WDR27: variants seen among roughly 807,000 people sequenced by gnomAD.
WDR27 encodes WD repeat domain 27.
A neutral mutation model predicts 114.4 loss-of-function variants in WDR27; 100 were observed. The observed-to-expected ratio is 0.87, with a 90% confidence interval of 0.74 to 1.03. The LOEUF (loss-of-function observed/expected upper bound fraction) is 1.03. Ranked by LOEUF, WDR27 falls within the 50% of genes least tolerant of loss-of-function variation. The probability of loss-of-function intolerance (pLI) is 0.00; values close to 1 mark genes in which losing one functional copy is unlikely to be tolerated. For synonymous variants in WDR27, 449 were observed against 423.1 expected (o/e 1.06, Z -0.75); for missense variants, 1,129 against 1,092.9 (o/e 1.03, Z -0.47).
rs117385168 is a variant in WDR27 at position 169,504,771 on chromosome 6, C to G, written c.2646-47137G>C. On this transcript the variant is annotated intron_variant, in intron 25 of 25. Transcript: ENST00000448612. ...AGCTGGGACAACAGGCATGCACCAC[C>G]ACATGTGGCTAATTTTTAGGTCTTG... Among the ~76,000 whole-genome samples the G allele has an allele frequency of 1.4e-3, 206 of 152,148 alleles. 4 individuals carry two copies. The East Asian group carries it at 0.033, about 24-fold the overall frequency.
chr6:169,529,299 G>T (rs9478046), intron 25 of WDR27, among the ~76,000 whole-genome samples: 13,907 of 89,072 alleles, frequency 0.16, 1,008 homozygotes, highest in African/African-American at 0.23. Context: ...CACGTTAACG[G>T]TGGTGACCTC....
intron 25 of WDR27, among the ~76,000 whole-genome samples, chr6:169,565,694 G>T (rs994347667): frequency 6.6e-6 from 1 of 152,170 alleles, no homozygotes; most frequent in African/African-American, 2.4e-5. Context: ...CTGTTTTTAG[G>T]GATAGGGTCT....
chr6:169,688,703 C>A (rs1442223372), intron 2 of WDR27, 114 bp downstream of exon 2: 2 of 575,202 alleles, frequency 3.5e-6, no homozygotes, highest in African/African-American at 3.8e-5. Flanking sequence ...CAATATTTTT[C>A]TCCTATAGTT....
chr6:169,662,894 T>C (rs1826700843), intron 8 of WDR27, among the ~76,000 whole-genome samples: 1 of 142,220 alleles, frequency 7.0e-6, no homozygotes, highest in Non-Finnish European at 1.5e-5. Flanking sequence ...AGGAAAGCAC[T>C]AAGGTAACAC....
intron 25 of WDR27, among the ~76,000 whole-genome samples, chr6:169,466,875 A>G (rs984646145): frequency 6.6e-6 from 1 of 152,214 alleles, no homozygotes; most frequent in African/African-American, 2.4e-5. Flanking sequence ...CAAAAGTTCA[A>G]GTCCAAAGTC....
intron 17 of WDR27, among the ~76,000 whole-genome samples, chr6:169,639,463 G>A (rs1321087127): frequency 6.7e-6 from 1 of 149,462 alleles, no homozygotes; most frequent in African/African-American, 2.5e-5. Context: ...TGTCAACGTT[G>A]AAGAAAAAAG....
chr6:169,640,655 C>A (rs1818916470), intron 17 of WDR27, among the ~76,000 whole-genome samples: 2 of 152,256 alleles, frequency 1.3e-5, no homozygotes, highest in Admixed American at 1.3e-4. Context: ...CGCAGGTTCA[C>A]AGACACCTGC....
downstream of WDR27, among the ~76,000 whole-genome samples, chr6:169,455,921 AATT>A (rs1784329220): frequency 6.6e-6 from 1 of 151,876 alleles, no homozygotes; most frequent in Non-Finnish European, 1.5e-5. Flanking sequence ...TTTATTCAGC[AATT>A]ATTATTTAGA....
the WDR27 span, among the ~76,000 whole-genome samples, chr6:169,442,309 A>G: frequency 3.9e-5 from 6 of 152,350 alleles, no homozygotes; most frequent in East Asian, 9.6e-4. Context: ...ATTTAGACTC[A>G]AGTAACTGCC....
chr6:169,546,537 C>T (rs536308645), intron 25 of WDR27, among the ~76,000 whole-genome samples: 15 of 152,250 alleles, frequency 9.9e-5, no homozygotes, highest in East Asian at 1.9e-4. Context: ...CTTGCCTGGC[C>T]GCAGATTCTA....
intron 19 of WDR27, among the ~76,000 whole-genome samples, chr6:169,635,454 G>A (rs1236046695): frequency 6.6e-6 from 1 of 152,200 alleles, no homozygotes; most frequent in Non-Finnish European, 1.5e-5. Flanking sequence ...CCGCAGGAGG[G>A]GGCCGCTGGG....
At position 169,477,101 on chromosome 6, in the gene WDR27, G is replaced by A. The variant is rs1304199709; in HGVS notation, c.2646-19467C>T. Among the ~76,000 whole-genome samples the A allele has an allele frequency of 3.3e-5, 5 of 152,298 alleles. No individual in the cohort carries two copies. In the East Asian group the frequency reaches 9.6e-4, roughly 29 times the overall value. The stretch of plus-strand genomic sequence containing the variant: ...GCTTCTTCAGGATCTACTGAGATAA[G>A]AAAGTATCTTCTCCTTACTGTATCA... On this transcript the variant is annotated intron_variant, in intron 25 of 25. Transcript: ENST00000448612.
chr6:169,567,654 C>T (rs888294767), intron 25 of WDR27, among the ~76,000 whole-genome samples: 41 of 152,164 alleles, frequency 2.7e-4, no homozygotes, highest in African/African-American at 9.9e-4. Context: ...ACCTGTGCCA[C>T]GCTCTGAAAC....
the WDR27 span, among the ~76,000 whole-genome samples, chr6:169,446,158 A>T: frequency 2.0e-5 from 3 of 152,262 alleles, no homozygotes; most frequent in Non-Finnish European, 4.4e-5. Context: ...ACAGAGGAGC[A>T]GACCTGCTGC....
chr6:169,438,152 AT>A, the WDR27 span, among the ~76,000 whole-genome samples: 1 of 151,874 alleles, frequency 6.6e-6, no homozygotes. Flanking sequence ...GCTCCCACTT[AT>A]AAGTGAGATC....
chr6:169,636,023 A>G (rs76313062), intron 19 of WDR27, among the ~76,000 whole-genome samples: 5,666 of 152,300 alleles, frequency 0.037, 127 homozygotes, highest in Middle Eastern at 0.071. Context: ...ATTATTCCCC[A>G]TATATATGTA....
chr6:169,630,631 C>T (rs2128213523), intron 21 of WDR27, among the ~76,000 whole-genome samples: 1 of 152,366 alleles, frequency 6.6e-6, no homozygotes, highest in South Asian at 2.1e-4. Flanking sequence ...CGCAGTGGCT[C>T]ACGCCTGTAA....
At chr6:169,480,720 C>T (rs1381733564) in intron 25 of WDR27, among the ~76,000 whole-genome samples, 2 of 152,002 alleles carry the variant, frequency 1.3e-5, no homozygotes, top group Non-Finnish European at 2.9e-5. Context: ...TGTAAACACA[C>T]CAATCAGTGC....
chr6:169,554,273 G>A lies in WDR27; in HGVS notation c.2645+18146C>T, dbSNP rs942417445. Among the ~76,000 whole-genome samples, 15 of 152,250 alleles carry A rather than the reference G, an allele frequency of 9.9e-5. No homozygotes were observed. The South Asian group carries it at 1.2e-3, about 13-fold the overall frequency. ...GAAGGACTCAGCGGCTGGGTGGGAC[G>A]GGGCTGCAGTCGGGCACAAGTGCCT... On this transcript the variant is annotated intron_variant, in intron 25 of 25. Transcript: ENST00000448612.
Sources: gnomAD v4.1 joint callset for allele counts (sites outside exome capture counted in the v4.1 genomes callset) on GRCh38, gnomAD v4.1.1 for gene constraint, MANE v1.5 for transcripts, NCBI Gene and HGNC (gene_info 2026-07-23, HGNC 2026-07-21) for gene names.